The following GARNL3 variants were observed in gnomAD, a reference collection of about 807,000 sequenced individuals.
The protein encoded by GARNL3 is GTPase-activating Rap/Ran-GAP domain-like protein 3.
GARNL3 carries 63 observed loss-of-function variants against 125.0 expected under a neutral mutation model. That is an observed-to-expected ratio of 0.50 (90% CI 0.41 to 0.62). GARNL3 has a LOEUF of 0.62. Ranked by LOEUF, GARNL3 falls within the 20% of genes least tolerant of loss-of-function variation. GARNL3 has a pLI of 0.00. For missense variants in GARNL3, 994 were observed against 1,244.0 expected (o/e 0.80, Z 3.02); for synonymous variants, 439 against 457.5 (o/e 0.96, Z 0.52).
rs114125459 is a variant in GARNL3, at chr9:127,387,999, A to G, written c.2527+668A>G. On this transcript the variant is annotated intron_variant, in intron 25 of 27. Transcript: ENST00000373387. ...GTCTCTAAAAAAAAATACAAAAACT[A>G]GCTGGGCATGGTAACATGTGCCTGT... Among the ~76,000 whole-genome samples the G allele has an allele frequency of 4.8e-3, 736 of 152,060 alleles. 1 individual carries two copies. The highest frequency in any genetic ancestry group is 0.017 in the African/African-American group (707 of 41,460).
intron 2 of GARNL3, among the ~76,000 whole-genome samples, chr9:127,304,332 A>C (rs937803221): frequency 1.3e-5 from 2 of 152,174 alleles, no homozygotes; most frequent in African/African-American, 4.8e-5. Context: ...TTGGTCAGAG[A>C]ACATGGAACA....
chr9:127,326,400 A>ATGAT (rs924905137), intron 7 of GARNL3, among the ~76,000 whole-genome samples: 1 of 152,160 alleles, frequency 6.6e-6, no homozygotes, highest in Non-Finnish European at 1.5e-5. Flanking sequence ...TGATTGATTG[A>ATGAT]TGATTGATTG....
intron 7 of GARNL3, among the ~76,000 whole-genome samples, chr9:127,327,681 A>G (rs1192548475): frequency 6.6e-6 from 1 of 152,180 alleles, no homozygotes; most frequent in Non-Finnish European, 1.5e-5. Context: ...CTTCAGGCTC[A>G]TACCACCATG....
rs192790268 is a variant in GARNL3, at chr9:127,283,107, G to A, written c.145-8061G>A. ...GAGATTAGACCAAGGCCTCCACTCA[G>A]GATGTTAAATCACATGAATTTTCAC... On this transcript the variant is annotated intron_variant, in intron 1 of 27. Coordinates refer to ENST00000373387, the MANE Select transcript of GARNL3 (RefSeq NM_032293.5). 3.3e-5 allele frequency among the ~76,000 whole-genome samples: 5 copies of A among 152,200 alleles called. No homozygotes were observed. In the East Asian group the frequency reaches 9.7e-4, roughly 29 times the overall value.
At chr9:127,360,418 GCACAGC>G in intron 21 of GARNL3, among the ~76,000 whole-genome samples, 1 of 152,168 alleles carries the variant, frequency 6.6e-6, no homozygotes, top group Non-Finnish European at 1.5e-5. Context: ...AATGGCGGCT[GCACAGC>G]TCCCAGCAGG....
At chr9:127,291,550 C>G (rs1301029400) in intron 2 of GARNL3, among the ~76,000 whole-genome samples, 1 of 152,136 alleles carries the variant, frequency 6.6e-6, no homozygotes, top group Non-Finnish European at 1.5e-5. Flanking sequence ...CCAGGCTGAT[C>G]AGCTTGGCAC....
intron 2 of GARNL3, among the ~76,000 whole-genome samples, chr9:127,249,126 G>T (rs764942403): frequency 2.0e-5 from 3 of 151,724 alleles, no homozygotes; most frequent in Non-Finnish European, 4.4e-5. Context: ...ACTATTTGTT[G>T]TGTGTAAGTT....
At chr9:127,288,890 T>A (rs2064328719) in intron 1 of GARNL3, among the ~76,000 whole-genome samples, 1 of 152,160 alleles carries the variant, frequency 6.6e-6, no homozygotes, top group African/African-American at 2.4e-5. Context: ...CAACCTCTAT[T>A]TTAAGGGTAA....
At chr9:127,390,808 A>T (rs369121846) in intron 27 of GARNL3, 41 bp downstream of exon 27, 1 of 1,599,040 alleles carries the variant, frequency 6.3e-7, no homozygotes, top group African/African-American at 1.3e-5. Flanking sequence ...TGGTGGACCT[A>T]TGAGTCACAG....
At chr9:127,327,212 C>T (rs913039798) in intron 7 of GARNL3, among the ~76,000 whole-genome samples, 5 of 152,156 alleles carry the variant, frequency 3.3e-5, no homozygotes, top group Non-Finnish European at 5.9e-5. Flanking sequence ...TGAGGCGTTG[C>T]GGATACATCA....
intron 5 of GARNL3, 96 bp downstream of exon 5, chr9:127,318,223 T>G: frequency 1.2e-6 from 1 of 822,656 alleles, no homozygotes; most frequent in East Asian, 2.4e-5. Flanking sequence ...TTCCATTGTC[T>G]TGAGCCTTGA....
rs1176909578 is a variant in GARNL3, at chr9:127,242,749, C to T, written c.-28-330C>T. ...TTCTCCAGAAGCATTCTAGACATAG[C>T]TTCCCTTACCAAATTCATACTGCCT... On this transcript the variant is annotated intron_variant, in intron 1 of 10. Coordinates refer to the GARNL3 transcript ENST00000439286. The surrounding 1 kb of genome is among the most constrained non-coding windows in gnomAD (Gnocchi z 4.6). Among the ~76,000 whole-genome samples the T allele has an allele frequency of 3.3e-5, 5 of 152,322 alleles. No individual in the cohort carries two copies. In the East Asian group the frequency reaches 7.7e-4, roughly 23 times the overall value.
intron 21 of GARNL3, among the ~76,000 whole-genome samples, chr9:127,358,377 C>T (rs1830800706): frequency 6.6e-6 from 1 of 152,236 alleles, no homozygotes; most frequent in East Asian, 1.9e-4. Flanking sequence ...GAGGAAACCA[C>T]AGAATGGGGA....
At chr9:127,349,946 A>G (rs1414761847) in intron 17 of GARNL3, among the ~76,000 whole-genome samples, 6 of 152,162 alleles carry the variant, frequency 3.9e-5, no homozygotes, top group Admixed American at 3.9e-4. Flanking sequence ...CCTTCAGTAC[A>G]ACCTATACGT....
At chr9:127,370,182 C>T (rs1314193602) in intron 22 of GARNL3, among the ~76,000 whole-genome samples, 1 of 152,184 alleles carries the variant, frequency 6.6e-6, no homozygotes, top group Non-Finnish European at 1.5e-5. Flanking sequence ...CCAGGACATT[C>T]CAAAAAGATT....
rs1428096956 is a variant in GARNL3, at chr9:127,357,315, T to C, written c.2032T>C (p.Phe678Leu). ...NLICVAYRHQ[F>L]DVVNESTGEA... is the part of the protein sequence containing the mutation. The stretch of plus-strand genomic sequence containing the variant: ...CATCTGTGTGGCTTATCGACACCAA[T>C]TTGATGTGGTGAATGAGAGCACAGG... Residue 678 changes from phenylalanine (F) to leucine (L), a missense_variant, in exon 21 of 28, where the codon TTT becomes CTT. Phe to Leu is a conservative substitution (Grantham distance 22). Coordinates refer to ENST00000373387, the MANE Select transcript of GARNL3 (RefSeq NM_032293.5). The C allele has an allele frequency of 6.2e-7, 1 of 1,614,150 alleles. No individual in the cohort carries two copies.
At chr9:127,282,972 G>T (rs1404226742) in intron 1 of GARNL3, among the ~76,000 whole-genome samples, 14 of 152,002 alleles carry the variant, frequency 9.2e-5, no homozygotes. Context: ...AAATTAATTT[G>T]TTAAGTTCTA....
chr9:127,306,011 G>C (rs189518005), intron 2 of GARNL3, among the ~76,000 whole-genome samples: 1 of 152,066 alleles, frequency 6.6e-6, no homozygotes, highest in African/African-American at 2.4e-5. Context: ...AGCACCTTGC[G>C]CCTCCCTGTG....
chr9:127,335,859 A>T (rs533019688), intron 10 of GARNL3, among the ~76,000 whole-genome samples: 1 of 152,156 alleles, frequency 6.6e-6, no homozygotes, highest in Admixed American at 6.5e-5. Flanking sequence ...GAGTATCTAC[A>T]TGGGATGTAC....
Sources: allele counts gnomAD v4.1 joint callset (sites outside exome capture counted in the v4.1 genomes callset), GRCh38; gene constraint gnomAD v4.1.1; non-coding constraint Gnocchi (gnomAD v3.1); transcripts MANE v1.5; gene names NCBI Gene and HGNC (gene_info 2026-07-23, HGNC 2026-07-21).